Variants in PPEF2 observed in about 807,000 individuals in gnomAD.
PPEF2 encodes the protein serine/threonine-protein phosphatase with EF-hands 2.
In PPEF2, 84 loss-of-function variants were observed where a neutral mutation model predicts 84.7. The observed-to-expected ratio is 0.99, with a 90% CI of 0.83 to 1.19. The LOEUF (loss-of-function observed/expected upper bound fraction) is 1.19. Among genes scored for constraint, PPEF2 ranks in the 50% most tolerant of loss-of-function variants. PPEF2 has a pLI of 0.00. For missense variants in PPEF2, 924 were observed against 937.5 expected (o/e 0.99, Z 0.19); for synonymous variants, 346 against 345.2 (o/e 1.00, Z -0.03).
intron 6 of PPEF2, among the ~76,000 whole-genome samples, chr4:75,887,620 C>CAAAAAAA (rs34334071): frequency 4.0e-5 from 5 of 123,638 alleles, no homozygotes; most frequent in Non-Finnish European, 8.6e-5. Flanking sequence ...GACTGTGTCT[C>CAAAAAAA]AAAAAAAAAA....
chr4:75,895,726 C>T (rs961143410), intron 2 of PPEF2, among the ~76,000 whole-genome samples: 1 of 144,178 alleles, frequency 6.9e-6, no homozygotes, highest in African/African-American at 2.8e-5. Flanking sequence ...AGCAAGACTC[C>T]GCCTCAAAAA....
chr4:75,886,010 A>AAG (rs1173958845), intron 7 of PPEF2, among the ~76,000 whole-genome samples: 1 of 7,120 alleles, frequency 1.4e-4, no homozygotes, highest in South Asian at 0.05. Flanking sequence ...ACTCTGTCTT[A>AAG]AAAAAAAAAA....
At chr4:75,897,601 C>T (rs2149231017) in intron 1 of PPEF2, among the ~76,000 whole-genome samples, 1 of 152,256 alleles carries the variant, frequency 6.6e-6, no homozygotes, top group East Asian at 1.9e-4. Context: ...GGTGAAACCT[C>T]ATCTCTCCTA....
intron 10 of PPEF2, among the ~76,000 whole-genome samples, chr4:75,882,392 A>G (rs1012343786): frequency 3.9e-5 from 6 of 152,180 alleles, no homozygotes; most frequent in African/African-American, 1.4e-4. Flanking sequence ...TTTAGGTGGC[A>G]ATAATTGAGA....
At chr4:75,868,097 C>T (rs896802575) in intron 13 of PPEF2, among the ~76,000 whole-genome samples, 9 of 151,170 alleles carry the variant, frequency 6.0e-5, no homozygotes, top group African/African-American at 2.2e-4. Context: ...ATTCCTTGAG[C>T]CCAGGAGTTC....
rs538512005 is a variant in PPEF2 at position 75,881,755 on chromosome 4, G to A, written c.933+1171C>T. The A allele has an allele frequency of 2.6e-5, 4 of 152,240 alleles. No individual in the cohort carries two copies. The East Asian group carries it at 7.7e-4, about 29-fold the overall frequency. The allele number at this position is 152,240 out of a possible 1,614,324, so 9.4% of individuals were successfully genotyped here. ...GAGTAACAAGAAACCTGGGTCTCTG[G>A]ACAACTTCATAGAACCAAACTGCCA... On this transcript the variant is annotated intron_variant, in intron 10 of 16. Coordinates refer to ENST00000286719, the MANE Select transcript of PPEF2 (RefSeq NM_006239.3).
intron 11 of PPEF2, among the ~76,000 whole-genome samples, chr4:75,874,219 A>G (rs777063009): frequency 1.3e-5 from 2 of 152,146 alleles, no homozygotes; most frequent in Admixed American, 6.5e-5. Context: ...ACTCAGGAAA[A>G]CAATAACTGC....
intron 11 of PPEF2, among the ~76,000 whole-genome samples, chr4:75,875,617 C>A (rs575124982): frequency 5.7e-4 from 87 of 152,168 alleles, no homozygotes; most frequent in Non-Finnish European, 9.9e-4. Context: ...CAAAGAAAAA[C>A]AAAAACAAAA....
chr4:75,899,419 A>G (rs991437942), intron 1 of PPEF2, among the ~76,000 whole-genome samples: 6 of 152,130 alleles, frequency 3.9e-5, no homozygotes, highest in African/African-American at 1.2e-4. Flanking sequence ...ATTTCTTTTT[A>G]TACAACAAAG....
rs749767194 is a variant in PPEF2 at position 75,886,917 on chromosome 4, G to T, written c.533-19C>A. 7.3e-7 allele frequency: 1 copy of T among 1,362,890 alleles called. No individual in the cohort carries two copies. Among genetic ancestry groups the T allele is most frequent in the East Asian group, 2.3e-5 (1 of 42,630 alleles). 84.4% of individuals were successfully genotyped at this position (1,362,890 alleles called of 1,614,324 possible). On this transcript the variant is annotated intron_variant, in intron 6 of 16. Coordinates refer to ENST00000286719, the MANE Select transcript of PPEF2 (RefSeq NM_006239.3). Reference sequence around the variant, plus strand: ...AAGTCTCCTAACAAAGATAGAAAAAGAATATCAATTCTGATTGTTCCTTAC... The same window carrying T: ...AAGTCTCCTAACAAAGATAGAAAAATAATATCAATTCTGATTGTTCCTTAC...
At chr4:75,886,276 T>C (rs1724720729) in intron 7 of PPEF2, among the ~76,000 whole-genome samples, 1 of 152,130 alleles carries the variant, frequency 6.6e-6, no homozygotes, top group South Asian at 2.1e-4. Flanking sequence ...TGGCCTGGGA[T>C]AGCCAGTCTC....
At chr4:75,895,599 G>A (rs879494993) in intron 2 of PPEF2, among the ~76,000 whole-genome samples, 5 of 151,444 alleles carry the variant, frequency 3.3e-5, no homozygotes, top group South Asian at 4.2e-4. Flanking sequence ...AGGCGTGGTC[G>A]CGGGCGCCTG....
chr4:75,882,840 A>G, intron 10 of PPEF2, 86 bp downstream of exon 10: 1 of 1,428,028 alleles, frequency 7.0e-7, no homozygotes, highest in Admixed American at 1.9e-5. Context: ...TAATCAGTTG[A>G]CTGCAGTCAG....
intron 1 of PPEF2, among the ~76,000 whole-genome samples, chr4:75,897,346 G>C (rs1317240455): frequency 1.3e-5 from 2 of 152,054 alleles, no homozygotes; most frequent in African/African-American, 4.8e-5. Flanking sequence ...ATGCTCCCTG[G>C]CTGGTTTAAT....
intron 6 of PPEF2, among the ~76,000 whole-genome samples, chr4:75,887,430 C>G (rs1724756261): frequency 1.3e-5 from 2 of 151,992 alleles, no homozygotes; most frequent in African/African-American, 4.8e-5. Context: ...GACCATCCCG[C>G]CTAACACGGT....
chr4:75,896,165 G>A (rs1467458475), intron 2 of PPEF2, 106 bp downstream of exon 2: 2 of 1,277,424 alleles, frequency 1.6e-6, no homozygotes, highest in African/African-American at 1.5e-5. Context: ...GGCCTGAGGA[G>A]AAATTTAAGG....
Position 75,873,186 on chromosome 4 carries a change from A to G in PPEF2, c.1447T>C (p.Phe483Leu), listed in dbSNP as rs1192413435. Residue 483 changes from phenylalanine to leucine, a missense_variant, in exon 12 of 17, where the codon TTC (phenylalanine) becomes CTC (leucine). Physicochemically the swap from Phe to Leu is conservative, Grantham distance 22. Coordinates refer to ENST00000286719, the MANE Select transcript of PPEF2 (RefSeq NM_006239.3). ...TTGCATTCATGTGAACGGATCAGGA[A>G]TTGCATGTTGTATTTTTGTAGCAAC... is the stretch of plus-strand genomic sequence containing the variant. ...QQLLQKYNMQ[F>L]LIRSHECKPE... The G allele has an allele frequency of 5.0e-6, 8 of 1,614,068 alleles. No homozygotes were observed. The African/African-American group carries it at 5.3e-5, about 11-fold the overall frequency.
intron 7 of PPEF2, among the ~76,000 whole-genome samples, chr4:75,885,202 T>C (rs1230429341): frequency 2.0e-5 from 3 of 152,234 alleles, no homozygotes; most frequent in African/African-American, 7.2e-5. Context: ...TCTCCCTTGC[T>C]ATATGTTCTA....
intron 15 of PPEF2, among the ~76,000 whole-genome samples, chr4:75,865,967 A>G (rs1267104008): frequency 1.3e-5 from 2 of 152,166 alleles, no homozygotes; most frequent in African/African-American, 4.8e-5. Flanking sequence ...AATGGTGCTG[A>G]TAATATGTAC....
Sources: gnomAD v4.1 joint callset for allele counts (sites outside exome capture counted in the v4.1 genomes callset) on GRCh38, gnomAD v4.1.1 for gene constraint, MANE v1.5 for transcripts, NCBI Gene and HGNC (gene_info 2026-07-23, HGNC 2026-07-21) for gene names.